TM4SF18: variants seen among roughly 807,000 people sequenced by gnomAD.
TM4SF18 encodes the protein transmembrane 4 L6 family member 18.
In TM4SF18, 22 loss-of-function variants were observed where a neutral mutation model predicts 23.8. That is an observed-to-expected ratio of 0.92 (90% confidence interval 0.66 to 1.32). The LOEUF (loss-of-function observed/expected upper bound fraction) is 1.32. TM4SF18 is among the 40% of genes most tolerant of loss of function. The probability of loss-of-function intolerance (pLI) is 0.00; values close to 1 mark genes in which losing one functional copy is unlikely to be tolerated. For synonymous variants in TM4SF18, 87 were observed against 87.9 expected (o/e 0.99, Z 0.06); for missense variants, 255 against 240.3 (o/e 1.06, Z -0.41).
At position 149,333,514 on chromosome 3, in the gene TM4SF18, AC is replaced by A; in HGVS notation, c.-20del. On this transcript the variant is annotated splice_region_variant and 5_prime_UTR_variant, in exon 1 of 6. In the 5' UTR this introduces an upstream ATG that the reference lacks. Coordinates refer to ENST00000296059, the MANE Select transcript of TM4SF18 (RefSeq NM_138786.4). ...TTTTTTTTTTTTGAGATTACCTACC[AC>A]TTCCAGGGTCAGAGCCCTTCACTTC... 1 of 564,798 alleles carries A rather than the reference AC, an allele frequency of 1.8e-6. No homozygotes were observed. Among genetic ancestry groups the A allele is most frequent in the Non-Finnish European group, 2.7e-6 (1 of 372,540 alleles). 35.0% of individuals were successfully genotyped at this position (564,798 alleles called of 1,614,324 possible). A position where few individuals can be genotyped will look rare whatever the true frequency, so the allele number is the denominator to read the frequency against.
At chr3:149,328,865 T>C (rs1731015039) in intron 3 of TM4SF18, among the ~76,000 whole-genome samples, 1 of 152,186 alleles carries the variant, frequency 6.6e-6, no homozygotes. Context: ...TCTTTCTTTC[T>C]CCTGCTGTTC....
intron 3 of TM4SF18, among the ~76,000 whole-genome samples, chr3:149,326,791 C>T (rs1239380735): frequency 6.6e-6 from 1 of 152,150 alleles, no homozygotes; most frequent in East Asian, 1.9e-4. Context: ...GGTCCAAATT[C>T]GGCCAATGTG....
chr3:149,330,169 A>T, intron 3 of TM4SF18, 161 bp downstream of exon 3: 1 of 407,086 alleles, frequency 2.5e-6, no homozygotes, highest in Non-Finnish European at 4.4e-6. Flanking sequence ...TGGAGGAAAG[A>T]CTAAGCAAAA....
rs548694764 is a variant in TM4SF18 at position 149,328,739 on chromosome 3, A to G, written c.267+1591T>C. The stretch of plus-strand genomic sequence containing the variant: ...AGATGGAAATTGTGCTCTGATGCCT[A>G]CCAGGCTCATTTAATTCATTTATGT... On this transcript the variant is annotated intron_variant, in intron 3 of 5. Coordinates refer to ENST00000296059, the MANE Select transcript of TM4SF18 (RefSeq NM_138786.4). Among the ~76,000 whole-genome samples, 4 of 152,304 alleles carry G rather than the reference A, an allele frequency of 2.6e-5. No individual in the cohort carries two copies. In the East Asian group the frequency reaches 7.7e-4, roughly 29 times the overall value.
intron 2 of TM4SF18, among the ~76,000 whole-genome samples, chr3:149,332,285 A>T (rs917445441): frequency 8.5e-5 from 13 of 152,212 alleles, no homozygotes; most frequent in Non-Finnish European, 1.5e-5. Flanking sequence ...TATAATAATT[A>T]AAAACCCCTA....
chr3:149,324,069 A>T (rs549195223), intron 4 of TM4SF18, among the ~76,000 whole-genome samples: 2 of 152,282 alleles, frequency 1.3e-5, no homozygotes, highest in East Asian at 3.9e-4. Context: ...AGAAAATTTA[A>T]CTTCCCCCAG....
At chr3:149,328,313 C>T (rs1312738165) in intron 3 of TM4SF18, among the ~76,000 whole-genome samples, 1 of 152,122 alleles carries the variant, frequency 6.6e-6, no homozygotes, top group African/African-American at 2.4e-5. Flanking sequence ...GGTAAGAGTA[C>T]TCCCCTCAAC....
At chr3:149,322,122 G>T in intron 5 of TM4SF18, 134 bp downstream of exon 5, 1 of 739,986 alleles carries the variant, frequency 1.4e-6, no homozygotes. Flanking sequence ...AGATATTAGA[G>T]CTTGAATAAA....
chr3:149,325,153 T>G, intron 3 of TM4SF18, 131 bp from the exon 4 acceptor site: 2 of 735,076 alleles, frequency 2.7e-6, no homozygotes, highest in Admixed American at 3.2e-5. Context: ...AATGCCCACA[T>G]AGAAATAAAA....
chr3:149,319,255 A>C lies in TM4SF18; in HGVS notation c.*2223T>G, dbSNP rs1315412172. ...TTACAAGAGGGCTGAGGAGACTTTG[A>C]GAGAATTTTTAACAAGATGGTCCTA... is the stretch of plus-strand genomic sequence containing the variant. On this transcript the variant is annotated 3_prime_UTR_variant, in exon 6 of 6. Coordinates refer to ENST00000296059, the MANE Select transcript of TM4SF18 (RefSeq NM_138786.4). 3 of 152,224 alleles carry C rather than the reference A, an allele frequency of 2.0e-5. No individual in the cohort carries two copies. The highest frequency in any genetic ancestry group is 7.2e-5 in the African/African-American group (3 of 41,446). The allele number at this position is 152,224 out of a possible 1,614,324, so 9.4% of individuals were successfully genotyped here.
chr3:149,322,772 C>T (rs1730837858), intron 4 of TM4SF18, among the ~76,000 whole-genome samples: 2 of 152,210 alleles, frequency 1.3e-5, no homozygotes, highest in Middle Eastern at 3.4e-3. Context: ...GAAATAGAGG[C>T]ACTCTGAGAA....
chr3:149,330,558 G>T, intron 2 of TM4SF18, 139 bp from the exon 3 acceptor site: 1 of 554,170 alleles, frequency 1.8e-6, no homozygotes, highest in South Asian at 2.7e-5. Context: ...TCACTTTCTA[G>T]CTGTGTGAAT....
chr3:149,324,694 A>G, intron 4 of TM4SF18, 186 bp downstream of exon 4: 1 of 702,288 alleles, frequency 1.4e-6, no homozygotes, highest in Non-Finnish European at 2.3e-6. Flanking sequence ...GACTGAAGAA[A>G]AAAATCTAAA....
intron 4 of TM4SF18, 166 bp downstream of exon 4, chr3:149,324,714 G>T: frequency 1.2e-6 from 1 of 808,970 alleles, no homozygotes; most frequent in Non-Finnish European, 1.9e-6. Flanking sequence ...ACAAAGATCT[G>T]TGCAAGAACA....
At chr3:149,330,619 A>G (rs368254099) in intron 2 of TM4SF18, among the ~76,000 whole-genome samples, 200 bp from the exon 3 acceptor site, 164 of 152,314 alleles carry the variant, frequency 1.1e-3, no homozygotes, top group African/African-American at 3.7e-3. Flanking sequence ...ACGAGGTAAT[A>G]TATGTGACAT....
chr3:149,327,432 A>G (rs1262662012), intron 3 of TM4SF18, among the ~76,000 whole-genome samples: 1 of 151,858 alleles, frequency 6.6e-6, no homozygotes, highest in African/African-American at 2.4e-5. Flanking sequence ...CATTGGAGGA[A>G]AACACATTAA....
At position 149,319,741 on chromosome 3, in the gene TM4SF18, C is replaced by G. The variant is rs554326164; in HGVS notation, c.*1737G>C. ...ATATGATACCATTATTAACATGAAC[C>G]AGATACTCTCTGAATGTTGGCTTCC... is the stretch of plus-strand genomic sequence containing the variant. On this transcript the variant is annotated 3_prime_UTR_variant, in exon 6 of 6. Coordinates refer to ENST00000296059, the MANE Select transcript of TM4SF18 (RefSeq NM_138786.4). 2.0e-5 allele frequency: 3 copies of G among 152,276 alleles called. No homozygotes were observed. Among genetic ancestry groups the G allele is most frequent in the African/African-American group, 7.2e-5 (3 of 41,568 alleles). The allele number at this position is 152,276 out of a possible 1,614,324, so 9.4% of individuals were successfully genotyped here.
Position 149,318,610 on chromosome 3 carries a change from C to CTA in TM4SF18, c.*2866_*2867dup, listed in dbSNP as rs1295869177. 6.6e-6 allele frequency: 1 copy of CTA among 152,072 alleles called. No individual in the cohort carries two copies. The highest frequency in any genetic ancestry group is 1.5e-5 in the Non-Finnish European group (1 of 68,010). 9.4% of individuals were successfully genotyped at this position (152,072 alleles called of 1,614,324 possible). ...AAGAAAAGAGATAGAACTTATAGTC[C>CTA]TATCATTAGGAGATAATTATTAAGT... is the stretch of plus-strand genomic sequence containing the variant. On this transcript the variant is annotated 3_prime_UTR_variant, in exon 6 of 6. Transcript: ENST00000296059.
In TM4SF18 at chr3:149,324,881, G is replaced by A. The variant is rs145414265; in HGVS notation, c.409C>T (p.Arg137Cys). 3.3e-5 allele frequency: 54 copies of A among 1,613,970 alleles called. No homozygotes were observed. In the South Asian group the frequency reaches 4.0e-4, roughly 12 times the overall value. ...WEYAFEGTAG[R>C]FLTDSSIWIQ... is the part of the protein sequence containing the mutation. ...TTGGTTTGGGGAATTATTCCTTACC[G>A]TCCAGCAGTGCCTTCAAAAGCATAC... is the stretch of plus-strand genomic sequence containing the variant. Residue 137 changes from arginine (R) to cysteine (C), a missense_variant and splice_region_variant, in exon 4 of 6, where the codon CGT becomes TGT. Coordinates refer to ENST00000296059, the MANE Select transcript of TM4SF18 (RefSeq NM_138786.4).
Sources: allele counts gnomAD v4.1 joint callset (sites outside exome capture counted in the v4.1 genomes callset), GRCh38; gene constraint gnomAD v4.1.1; transcripts MANE v1.5; gene names NCBI Gene and HGNC (gene_info 2026-07-23, HGNC 2026-07-21).